MAP2K5: variants seen among roughly 807,000 people sequenced by gnomAD.
MAP2K5 encodes dual specificity mitogen-activated protein kinase kinase 5.
In MAP2K5, 49 loss-of-function variants were observed where a neutral mutation model predicts 83.1. The ratio of observed to expected loss-of-function variants is 0.59; its 90% CI spans 0.47 to 0.75. The LOEUF (loss-of-function observed/expected upper bound fraction) is 0.75, where lower values mean the gene tolerates loss of function less well. Among genes scored for constraint, MAP2K5 ranks in the 30% least tolerant of loss-of-function variants. The probability of loss-of-function intolerance (pLI) is 0.00; values close to 1 mark genes in which losing one functional copy is unlikely to be tolerated. For missense variants in MAP2K5, 457 were observed against 557.5 expected (o/e 0.82, Z 1.82); for synonymous variants, 202 against 191.8 (o/e 1.05, Z -0.44).
At chr15:67,743,569 G>A (rs901362202) in intron 17 of MAP2K5, among the ~76,000 whole-genome samples, 26 of 152,146 alleles carry the variant, frequency 1.7e-4, no homozygotes, top group Non-Finnish European at 1.0e-4. Context: ...AAAGTGATTT[G>A]TTTGGGAACT....
chr15:67,675,311 A>G lies in MAP2K5; in HGVS notation c.847+10666A>G, dbSNP rs1346061593. On this transcript the variant is annotated intron_variant, in intron 13 of 21. Coordinates refer to ENST00000178640, the MANE Select transcript of MAP2K5 (RefSeq NM_145160.3). ...ATGCCCACAACCTAGATGAACCTCC[A>G]GATCATTATACTGAGTGAAAAAGCC... Among the ~76,000 whole-genome samples the G allele has an allele frequency of 2.6e-5, 4 of 152,226 alleles. No individual in the cohort carries two copies. The East Asian group carries it at 5.8e-4, about 22-fold the overall frequency.
chr15:67,646,975 A>G (rs1174913780), intron 11 of MAP2K5, among the ~76,000 whole-genome samples: 1 of 151,748 alleles, frequency 6.6e-6, no homozygotes, highest in Non-Finnish European at 1.5e-5. Flanking sequence ...CTATTTTTTT[A>G]TTCATTTCTA....
chr15:67,590,939 G>A (rs2085395713), intron 6 of MAP2K5, among the ~76,000 whole-genome samples: 1 of 152,208 alleles, frequency 6.6e-6, no homozygotes, highest in African/African-American at 2.4e-5. Flanking sequence ...ATGTGTCTGT[G>A]TTCTCAGGGA....
At chr15:67,733,343 C>T (rs551242254) in intron 17 of MAP2K5, among the ~76,000 whole-genome samples, 29 of 152,140 alleles carry the variant, frequency 1.9e-4, no homozygotes, top group South Asian at 1.0e-3. Context: ...ATTCTTGTAA[C>T]GATCCAGTTT....
chr15:67,578,316 C>T (rs1356182955), intron 3 of MAP2K5, among the ~76,000 whole-genome samples: 1 of 152,138 alleles, frequency 6.6e-6, no homozygotes. Flanking sequence ...ATCCTTATCC[C>T]ATGGGGAATG....
chr15:67,547,764 C>A (rs957134242), intron 1 of MAP2K5, among the ~76,000 whole-genome samples: 1 of 152,148 alleles, frequency 6.6e-6, no homozygotes, highest in African/African-American at 2.4e-5. Context: ...TCCCGGTTTT[C>A]TTTTGAAACC....
In MAP2K5 at chr15:67,543,365, T is replaced by C; in HGVS notation, c.30T>C (p.Pro10=). 6.2e-7 allele frequency: 1 copy of C among 1,614,200 alleles called. No individual in the cohort carries two copies. Among genetic ancestry groups the C allele is most frequent in the Non-Finnish European group, 8.5e-7 (1 of 1,180,034 alleles). Residue 10 remains proline, a synonymous_variant, in exon 1 of 22, where the codon CCT becomes CCC. Coordinates refer to ENST00000178640, the MANE Select transcript of MAP2K5 (RefSeq NM_145160.3). This position sits in a 1 kb window ranked among gnomAD's most constrained non-coding sequence, Gnocchi z 4.3. The stretch of plus-strand genomic sequence containing the variant: ...TGTGGCTAGCCCTTGGCCCCTTTCC[T>C]GCCATGGAGAACCAGGTGCTGGTAA... MLWLALGPF[P]AMENQVLVIR... is the part of the protein sequence containing the mutation.
chr15:67,680,063 A>C (rs553826047), intron 13 of MAP2K5: 6 of 152,346 alleles, frequency 3.9e-5, no homozygotes, highest in Admixed American at 2.6e-4. Context: ...TTATATAAGC[A>C]GAAACATACC....
intron 3 of MAP2K5, among the ~76,000 whole-genome samples, chr15:67,566,674 T>C (rs933269808): frequency 6.6e-6 from 1 of 152,246 alleles, no homozygotes; most frequent in African/African-American, 2.4e-5. Flanking sequence ...TTGCAACCTC[T>C]GAGTTGAAAC....
intron 13 of MAP2K5, chr15:67,680,075 C>T (rs1272512451): frequency 6.6e-6 from 1 of 152,184 alleles, no homozygotes; most frequent in Non-Finnish European, 1.5e-5. Flanking sequence ...AAACATACCA[C>T]ATGAAATCTT....
At position 67,798,146 on chromosome 15, in the gene MAP2K5, G is replaced by A. The variant is rs74762309; in HGVS notation, c.1243-8500G>A. On this transcript the variant is annotated intron_variant, in intron 21 of 21. Transcript: ENST00000178640. Reference sequence around the variant, plus strand: ...TTGTCACTGGCCCCATATTCACAGTGTGGACATGCTGCAGACTCCACCTTT... The same window carrying A: ...TTGTCACTGGCCCCATATTCACAGTATGGACATGCTGCAGACTCCACCTTT... Among the ~76,000 whole-genome samples, 24 of 152,304 alleles carry A rather than the reference G, an allele frequency of 1.6e-4. No individual in the cohort carries two copies. In the East Asian group the frequency reaches 4.6e-3, roughly 29 times the overall value.
intron 17 of MAP2K5, among the ~76,000 whole-genome samples, chr15:67,729,882 A>G (rs143175371): frequency 6.6e-6 from 1 of 152,336 alleles, no homozygotes; most frequent in Non-Finnish European, 1.5e-5. Flanking sequence ...GAATGTCTAA[A>G]TATATCTTTA....
chr15:67,805,072 G>C (rs1003653199), intron 21 of MAP2K5, among the ~76,000 whole-genome samples: 1 of 152,196 alleles, frequency 6.6e-6, no homozygotes, highest in Non-Finnish European at 1.5e-5. Flanking sequence ...GCAGATTATG[G>C]GAAGTACCCA....
intron 4 of MAP2K5, 112 bp downstream of exon 4, chr15:67,580,935 G>A (rs1257122634): frequency 1.2e-5 from 9 of 728,054 alleles, no homozygotes; most frequent in South Asian, 3.1e-5. Context: ...CTCTTAATTC[G>A]AAAAACAAAA....
intron 13 of MAP2K5, among the ~76,000 whole-genome samples, chr15:67,686,846 G>A (rs1329372407): frequency 6.6e-6 from 1 of 152,114 alleles, no homozygotes. Context: ...TCTAAACCTG[G>A]GGGTAGGAGG....
intron 2 of MAP2K5, among the ~76,000 whole-genome samples, chr15:67,553,924 A>AG (rs2084568554): frequency 6.7e-6 from 1 of 150,306 alleles, no homozygotes; most frequent in Non-Finnish European, 1.5e-5. Flanking sequence ...CATCTCAAAA[A>AG]AAAAAAAAAA....
intron 8 of MAP2K5, among the ~76,000 whole-genome samples, chr15:67,611,226 A>G (rs1347496581): frequency 6.6e-6 from 1 of 152,218 alleles, no homozygotes; most frequent in Non-Finnish European, 1.5e-5. Flanking sequence ...GGCCTCAGCA[A>G]CAAAATATAT....
chr15:67,550,149 T>G, intron 2 of MAP2K5, 67 bp downstream of exon 2: 3 of 1,257,876 alleles, frequency 2.4e-6, no homozygotes, highest in Non-Finnish European at 3.5e-6. Flanking sequence ...GGTTTATGGG[T>G]GGCATTACTT....
At position 67,676,440 on chromosome 15, in the gene MAP2K5, A is replaced by G. The variant is rs908903182; in HGVS notation, c.847+11795A>G. ...TTAAAGTAAGAGATTTATCCTTGGG[A>G]CATTTTGCCAAGCAGAATGGACAGA... On this transcript the variant is annotated intron_variant, in intron 13 of 21. Transcript: ENST00000178640. This position sits in a 1 kb window ranked among gnomAD's most constrained non-coding sequence, Gnocchi z 4.8. Among the ~76,000 whole-genome samples the G allele has an allele frequency of 6.6e-6, 1 of 152,088 alleles. No homozygotes were observed. The highest frequency in any genetic ancestry group is 6.5e-5 in the Admixed American group (1 of 15,270).
Sources: gnomAD v4.1 joint callset for allele counts (sites outside exome capture counted in the v4.1 genomes callset) on GRCh38, gnomAD v4.1.1 for gene constraint, Gnocchi (gnomAD v3.1) non-coding constraint, MANE v1.5 for transcripts, NCBI Gene and HGNC (gene_info 2026-07-23, HGNC 2026-07-21) for gene names.